Variants in EIPR1 observed in about 807,000 individuals in gnomAD.
EIPR1 encodes EARP and GARP complex-interacting protein 1.
In EIPR1, 25 loss-of-function variants were observed where a neutral mutation model predicts 48.1. That is an observed-to-expected ratio of 0.52 (90% CI 0.38 to 0.73). The LOEUF is 0.73. EIPR1 is among the 30% of genes least tolerant of loss of function. The pLI is 0.00. For missense variants in EIPR1, 415 were observed against 506.2 expected (o/e 0.82, Z 1.73); for synonymous variants, 204 against 201.9 (o/e 1.01, Z -0.09).
chr2:3,189,107 T>TG lies in EIPR1; in HGVS notation c.*226dup. 2 of 411,090 alleles carry TG rather than the reference T, an allele frequency of 4.9e-6. No individual in the cohort carries two copies. Among genetic ancestry groups the TG allele is most frequent in the Admixed American group, 4.1e-5 (1 of 24,238 alleles). The allele number at this position is 411,090 out of a possible 1,614,324, so 25.5% of individuals were successfully genotyped here. ...AAACATTGTTATTCACATAATAATGTGGGGCTCTGTCTCTGCCGACAGGGG... is the reference window on the plus strand; with the variant it reads ...AAACATTGTTATTCACATAATAATGTGGGGGCTCTGTCTCTGCCGACAGGGG... On this transcript the variant is annotated 3_prime_UTR_variant, in exon 9 of 9. Transcript: ENST00000382125. This position sits in a 1 kb window ranked among gnomAD's most constrained non-coding sequence, Gnocchi z 4.6.
chr2:3,355,397 G>A (rs997457024), intron 1 of EIPR1, among the ~76,000 whole-genome samples: 1 of 152,220 alleles, frequency 6.6e-6, no homozygotes, highest in Non-Finnish European at 1.5e-5. Context: ...ATCCTGATTG[G>A]AGCAGGCCAG....
intron 1 of EIPR1, among the ~76,000 whole-genome samples, chr2:3,370,906 C>T (rs1671098533): frequency 2.6e-5 from 4 of 151,934 alleles, no homozygotes; most frequent in Admixed American, 2.0e-4. Flanking sequence ...AGATACTCCT[C>T]GAGAAGAGCA....
intron 5 of EIPR1, among the ~76,000 whole-genome samples, chr2:3,199,865 CA>C (rs1408928555): frequency 9.4e-6 from 1 of 106,574 alleles, no homozygotes; most frequent in South Asian, 3.1e-4. Context: ...GCAGAGGTGA[CA>C]TGGGTGTGTC....
intron 6 of EIPR1, among the ~76,000 whole-genome samples, chr2:3,196,636 T>C (rs1664815584): frequency 6.6e-6 from 1 of 152,162 alleles, no homozygotes. Flanking sequence ...CTCCTGCTAA[T>C]GCAGAGATAT....
chr2:3,206,718 A>C (rs1293348743), intron 5 of EIPR1, among the ~76,000 whole-genome samples: 1 of 152,184 alleles, frequency 6.6e-6, no homozygotes, highest in Non-Finnish European at 1.5e-5. Flanking sequence ...CACACTCAAA[A>C]TTGGAAAGAC....
chr2:3,367,201 G>C (rs1469221620), intron 1 of EIPR1, among the ~76,000 whole-genome samples: 1 of 151,908 alleles, frequency 6.6e-6, no homozygotes, highest in Non-Finnish European at 1.5e-5. Flanking sequence ...GGTGCGTCTT[G>C]GGTGGGTAAA....
chr2:3,296,208 T>A (rs539413683), intron 3 of EIPR1, among the ~76,000 whole-genome samples: 2 of 120,588 alleles, frequency 1.7e-5, no homozygotes, highest in South Asian at 2.9e-4. Context: ...GCCCATCCTC[T>A]CTACACAGAC....
At position 3,218,083 on chromosome 2, in the gene EIPR1, C is replaced by A. The variant is rs573989863; in HGVS notation, c.417-3835G>T. On this transcript the variant is annotated intron_variant, in intron 4 of 8. Transcript: ENST00000382125. ...AGTCAGGTGCACACCCAGCATGGCCCCGATACACTCTAGAGCATTCACAGT... is the reference window on the plus strand; with the variant it reads ...AGTCAGGTGCACACCCAGCATGGCCACGATACACTCTAGAGCATTCACAGT... Among the ~76,000 whole-genome samples the A allele has an allele frequency of 3.5e-4, 53 of 152,180 alleles. No homozygotes were observed. The East Asian group carries it at 0.01, about 29-fold the overall frequency.
At chr2:3,364,774 A>G (rs1670934851) in intron 1 of EIPR1, among the ~76,000 whole-genome samples, 2 of 152,250 alleles carry the variant, frequency 1.3e-5, no homozygotes, top group South Asian at 4.1e-4. Flanking sequence ...GCTAAAAACA[A>G]AAAGTAGATC....
At chr2:3,271,717 G>C (rs148914797) in intron 3 of EIPR1, among the ~76,000 whole-genome samples, 44 of 152,292 alleles carry the variant, frequency 2.9e-4, no homozygotes, top group Non-Finnish European at 5.0e-4. Context: ...GGTACATTTA[G>C]CATCATTCTT....
chr2:3,215,900 A>G (rs1045968470), intron 4 of EIPR1, among the ~76,000 whole-genome samples: 2 of 152,250 alleles, frequency 1.3e-5, no homozygotes, highest in Non-Finnish European at 2.9e-5. Flanking sequence ...CATCACGTCT[A>G]TATTAGACCA....
rs149834420 is a variant in EIPR1, at chr2:3,261,619, A to T, written c.260-4164T>A. 7.9e-3 allele frequency: 1,203 copies of T among 152,346 alleles called. 26 individuals are homozygous for T. Among genetic ancestry groups the T allele is most frequent in the Admixed American group, 0.05 (761 of 15,296 alleles). The allele number at this position is 152,346 out of a possible 1,614,324, so 9.4% of individuals were successfully genotyped here. ...GTCTGCTGAACACAAAGACACGCAC[A>T]GGGGTCCAGCAACCCAGTGTCCCAC... is the stretch of plus-strand genomic sequence containing the variant. On this transcript the variant is annotated intron_variant, in intron 3 of 8. Transcript: ENST00000382125.
intron 3 of EIPR1, chr2:3,318,868 C>A (rs1180153509): frequency 2.1e-6 from 1 of 471,254 alleles, no homozygotes; most frequent in Non-Finnish European, 4.4e-6. Flanking sequence ...TGCGACCTGT[C>A]CCCTGAAGAA....
At chr2:3,201,379 C>T (rs1326208423) in intron 5 of EIPR1, among the ~76,000 whole-genome samples, 4 of 152,238 alleles carry the variant, frequency 2.6e-5, no homozygotes, top group Non-Finnish European at 5.9e-5. Context: ...GTGCTCTGCG[C>T]ATAAAATCAG....
At position 3,359,493 on chromosome 2, in the gene EIPR1, T is replaced by C. The variant is rs114629693; in HGVS notation, c.43-4860A>G. ...GCAGTTTTGGAAAAGCATTGCAAAT[T>C]TGAAACTATCTTATTCAAGCTCATA... is the stretch of plus-strand genomic sequence containing the variant. On this transcript the variant is annotated intron_variant, in intron 1 of 8. Coordinates refer to ENST00000382125, the MANE Select transcript of EIPR1 (RefSeq NM_003310.5). Among the ~76,000 whole-genome samples, 1,148 of 152,296 alleles carry C rather than the reference T, an allele frequency of 7.5e-3. 27 individuals carry two copies. The highest frequency in any genetic ancestry group is 0.027 in the African/African-American group (1,102 of 41,556).
Position 3,237,270 on chromosome 2 carries a change from A to ACACC in EIPR1, c.416+20028_416+20029insGGTG, listed in dbSNP as rs1553285356. Among the ~76,000 whole-genome samples, 87 of 142,994 alleles carry ACACC rather than the reference A, an allele frequency of 6.1e-4. 1 individual carries two copies. The highest frequency in any genetic ancestry group is 2.0e-3 in the African/African-American group (75 of 38,036). The allele number at this position is 142,994 out of a possible 152,430, so 93.8% of individuals were successfully genotyped here. Reference sequence around the variant, plus strand: ...CACACACACACACACACACACACACACCATACATATGGCAGTCCTGCCTTA... The same window carrying ACACC: ...CACACACACACACACACACACACACACACCCCATACATATGGCAGTCCTGCCTTA... On this transcript the variant is annotated intron_variant, in intron 4 of 8. Coordinates refer to ENST00000382125, the MANE Select transcript of EIPR1 (RefSeq NM_003310.5).
intron 5 of EIPR1, among the ~76,000 whole-genome samples, chr2:3,204,026 C>T (rs1232559671): frequency 6.6e-6 from 1 of 152,220 alleles, no homozygotes; most frequent in Admixed American, 6.5e-5. Flanking sequence ...AGGTCACACA[C>T]GTGGGCCGTG....
At chr2:3,304,197 C>G (rs12467159) in intron 3 of EIPR1, among the ~76,000 whole-genome samples, 51,832 of 152,072 alleles carry the variant, frequency 0.34, 8,978 homozygotes, top group African/African-American at 0.36. Flanking sequence ...CGCAAGGCTG[C>G]AGAGATCCAG....
At chr2:3,260,151 T>C (rs1056833686) in intron 3 of EIPR1, among the ~76,000 whole-genome samples, 1 of 152,152 alleles carries the variant, frequency 6.6e-6, no homozygotes, top group Non-Finnish European at 1.5e-5. Context: ...TTAAAACTTC[T>C]TTAAAATCAA....
Sources: allele counts gnomAD v4.1 joint callset (sites outside exome capture counted in the v4.1 genomes callset), GRCh38; gene constraint gnomAD v4.1.1; non-coding constraint Gnocchi (gnomAD v3.1); transcripts MANE v1.5; gene names NCBI Gene and HGNC (gene_info 2026-07-23, HGNC 2026-07-21).